The following FAM114A1 variants were observed in gnomAD, a reference collection of about 807,000 sequenced individuals.
FAM114A1 encodes the protein family with sequence similarity 114 member A1.
In FAM114A1, 62 loss-of-function variants were observed where a neutral mutation model predicts 64.3. That is an observed-to-expected ratio of 0.96 (90% CI 0.79 to 1.19). The LOEUF (loss-of-function observed/expected upper bound fraction) is 1.19, where lower values mean the gene tolerates loss of function less well. Among genes scored for constraint, FAM114A1 ranks in the 50% most tolerant of loss-of-function variants. FAM114A1 has a pLI of 0.00. For missense variants in FAM114A1, 645 were observed against 676.3 expected (o/e 0.95, Z 0.51); for synonymous variants, 254 against 251.1 (o/e 1.01, Z -0.11).
chr4:38,920,175 C>G (rs1181211840), intron 8 of FAM114A1, among the ~76,000 whole-genome samples: 1 of 151,864 alleles, frequency 6.6e-6, no homozygotes, highest in Non-Finnish European at 1.5e-5. Flanking sequence ...CCACTGCACT[C>G]CAGCCTGGGC....
chr4:38,895,344 C>T (rs1716823614), intron 4 of FAM114A1, among the ~76,000 whole-genome samples: 2 of 152,212 alleles, frequency 1.3e-5, no homozygotes, highest in South Asian at 4.1e-4. Context: ...TCCTTCAAAG[C>T]CAGCAGGAAA....
At chr4:38,913,141 C>T (rs761048579) in intron 7 of FAM114A1, among the ~76,000 whole-genome samples, 33 of 150,380 alleles carry the variant, frequency 2.2e-4, no homozygotes, top group Non-Finnish European at 4.5e-4. Flanking sequence ...AGTGTCTTTA[C>T]AGTGCTTTCC....
chr4:38,916,021 C>G (rs746529467), intron 8 of FAM114A1, among the ~76,000 whole-genome samples: 1 of 152,142 alleles, frequency 6.6e-6, no homozygotes, highest in African/African-American at 2.4e-5. Context: ...ACAAGAAGCT[C>G]AATTTGGCAG....
Position 38,922,865 on chromosome 4 carries a change from A to G in FAM114A1, c.1041A>G (p.Leu347=). 2 of 1,612,522 alleles carry G rather than the reference A, an allele frequency of 1.2e-6. No homozygotes were observed. The highest frequency in any genetic ancestry group is 1.7e-6 in the Non-Finnish European group (2 of 1,179,568). Residue 347 remains leucine, a synonymous_variant, in exon 9 of 15, where the codon TTA becomes TTG. Coordinates refer to ENST00000358869, the MANE Select transcript of FAM114A1 (RefSeq NM_138389.4). ...AAGACATCTTTGCAGCCAAAGAATT[A>G]GAGAATGAAGAAAATCAAGAAGAAC... The part of the protein sequence containing the change: ...SIKDIFAAKE[L]ENEENQEEQG...
At chr4:38,894,983 A>G (rs1411156450) in intron 4 of FAM114A1, among the ~76,000 whole-genome samples, 3 of 152,190 alleles carry the variant, frequency 2.0e-5, no homozygotes, top group Admixed American at 6.5e-5. Context: ...CTGAGGCAGC[A>G]TGGCCCTGGG....
rs1721893805 is a variant in FAM114A1 at position 38,945,451 on chromosome 4, G to A, written c.*1894G>A. On this transcript the variant is annotated 3_prime_UTR_variant, in exon 15 of 15. Transcript: ENST00000358869. ...ATCCCTACAGGTACTGTCATGTGAA[G>A]CCTTGCCTAGTAGTTCTCTCCAGGG... The A allele has an allele frequency of 6.6e-6, 1 of 152,254 alleles. No individual in the cohort carries two copies. The highest frequency in any genetic ancestry group is 1.9e-4 in the East Asian group (1 of 5,202). The allele number at this position is 152,254 out of a possible 1,614,324, so 9.4% of individuals were successfully genotyped here.
rs963571657 is a variant in FAM114A1 at position 38,923,153 on chromosome 4, T to C, written c.1069+260T>C. ...ATCACAGGCATGCAGTAAATGTGAATGCATATAGTCAGATAAACAAAGACT... is the reference window on the plus strand; with the variant it reads ...ATCACAGGCATGCAGTAAATGTGAACGCATATAGTCAGATAAACAAAGACT... On this transcript the variant is annotated intron_variant, in intron 9 of 14. Coordinates refer to ENST00000358869, the MANE Select transcript of FAM114A1 (RefSeq NM_138389.4). 5.9e-5 allele frequency among the ~76,000 whole-genome samples: 9 copies of C among 151,994 alleles called. No homozygotes were observed. The East Asian group carries it at 1.7e-3, about 29-fold the overall frequency.
At position 38,878,219 on chromosome 4, in the gene FAM114A1, C is replaced by T. The variant is rs548580091; in HGVS notation, c.141C>T (p.Asp47=). ...AAVSHEPTPA[D]PRGEGHENAA... is the part of the protein sequence containing the mutation. The stretch of plus-strand genomic sequence containing the variant: ...TTTCACATGAGCCAACACCAGCTGA[C>T]CCCAGAGGGGAGGGGCATGAAAATG... The change falls in exon 3 of 15, where the codon GAC becomes GAT. Residue 47 remains aspartate (D), a synonymous_variant. Coordinates refer to ENST00000358869, the MANE Select transcript of FAM114A1 (RefSeq NM_138389.4). The T allele has an allele frequency of 3.7e-6, 6 of 1,614,204 alleles. No homozygotes were observed. In the Admixed American group the frequency reaches 5.0e-5, roughly 13 times the overall value.
At chr4:38,909,068 G>C (rs563627495) in intron 7 of FAM114A1, among the ~76,000 whole-genome samples, 1 of 152,170 alleles carries the variant, frequency 6.6e-6, no homozygotes, top group South Asian at 2.1e-4. Flanking sequence ...TTTCAACCCA[G>C]TGGTAACATA....
chr4:38,876,044 C>T (rs1163762078), intron 2 of FAM114A1, among the ~76,000 whole-genome samples: 5 of 151,882 alleles, frequency 3.3e-5, no homozygotes, highest in Non-Finnish European at 7.4e-5. Context: ...TGGTCCCCAA[C>T]AAGGAATACT....
At chr4:38,929,364 T>TAGAAA in intron 10 of FAM114A1, 31 bp downstream of exon 10, 1 of 1,480,974 alleles carries the variant, frequency 6.8e-7, no homozygotes, top group Non-Finnish European at 9.3e-7. Flanking sequence ...AGTTTCTGGT[T>TAGAAA]AAAAAAAAAC....
chr4:38,898,973 A>AT (rs1234247429), intron 4 of FAM114A1, among the ~76,000 whole-genome samples: 128 of 107,416 alleles, frequency 1.2e-3, no homozygotes, highest in African/African-American at 3.2e-3. Flanking sequence ...TGTAATATAT[A>AT]TGTTATATAT....
intron 8 of FAM114A1, among the ~76,000 whole-genome samples, chr4:38,919,517 T>C (rs1008582853): frequency 2.6e-5 from 4 of 152,166 alleles, no homozygotes; most frequent in African/African-American, 9.7e-5. Flanking sequence ...CCATGCAGGC[T>C]GTGAGAGGGA....
intron 2 of FAM114A1, among the ~76,000 whole-genome samples, chr4:38,875,779 T>A (rs919677933): frequency 1.3e-5 from 2 of 152,246 alleles, no homozygotes; most frequent in African/African-American, 4.8e-5. Flanking sequence ...TTCGGTATGA[T>A]GTTAGCTGTG....
intron 4 of FAM114A1, among the ~76,000 whole-genome samples, chr4:38,903,706 A>T (rs1717721057): frequency 6.6e-6 from 1 of 152,226 alleles, no homozygotes; most frequent in South Asian, 2.1e-4. Flanking sequence ...GAGATAATTA[A>T]TTCAAGCCTT....
At chr4:38,921,351 G>A (rs1279069774) in intron 8 of FAM114A1, among the ~76,000 whole-genome samples, 1 of 151,968 alleles carries the variant, frequency 6.6e-6, no homozygotes, top group Non-Finnish European at 1.5e-5. Flanking sequence ...TCAAACTCCT[G>A]GGCTCAAGCA....
chr4:38,887,674 A>C (rs1410745528), intron 3 of FAM114A1, among the ~76,000 whole-genome samples: 1 of 152,246 alleles, frequency 6.6e-6, no homozygotes, highest in Non-Finnish European at 1.5e-5. Flanking sequence ...AAATATGCCC[A>C]AAAATATGAA....
At chr4:38,875,287 T>C (rs1579287618) in intron 2 of FAM114A1, among the ~76,000 whole-genome samples, 2 of 152,334 alleles carry the variant, frequency 1.3e-5, no homozygotes, top group East Asian at 1.9e-4. Context: ...TTAACAATAA[T>C]GATTCTTCCT....
chr4:38,941,078 T>TG, intron 14 of FAM114A1, 57 bp downstream of exon 14: 1 of 1,083,522 alleles, frequency 9.2e-7, no homozygotes. Context: ...TAGAACTACT[T>TG]TTTTTTTTTT....
Sources: allele counts gnomAD v4.1 joint callset (sites outside exome capture counted in the v4.1 genomes callset), GRCh38; gene constraint gnomAD v4.1.1; transcripts MANE v1.5; gene names NCBI Gene and HGNC (gene_info 2026-07-23, HGNC 2026-07-21).